PDZRN4: variants seen among roughly 807,000 people sequenced by gnomAD.
PDZRN4 encodes the protein PDZ domain-containing RING finger protein 4.
Under a neutral mutation model 99.0 loss-of-function variants are expected in PDZRN4, and 70 were observed. The ratio of observed to expected loss-of-function variants is 0.71; its 90% CI spans 0.58 to 0.86. The LOEUF (loss-of-function observed/expected upper bound fraction) is 0.86, where lower values mean the gene tolerates loss of function less well. Among genes scored for constraint, PDZRN4 ranks in the 40% least tolerant of loss-of-function variants. The probability of loss-of-function intolerance (pLI) is 0.00; values close to 1 mark genes in which losing one functional copy is unlikely to be tolerated. For synonymous variants in PDZRN4, 551 were observed against 501.6 expected (o/e 1.10, Z -1.32); for missense variants, 1,474 against 1,331.2 (o/e 1.11, Z -1.67).
At chr12:41,327,812 C>CTG (rs150017109) in intron 3 of PDZRN4, among the ~76,000 whole-genome samples, 14 of 151,126 alleles carry the variant, frequency 9.3e-5, no homozygotes, top group African/African-American at 2.4e-4. Flanking sequence ...ATGTGTGTGT[C>CTG]TGTGTGTGTG....
At chr12:41,389,368 C>A (rs943350142) in intron 3 of PDZRN4, among the ~76,000 whole-genome samples, 5 of 152,000 alleles carry the variant, frequency 3.3e-5, no homozygotes, top group Non-Finnish European at 7.4e-5. Flanking sequence ...TTAAATGAAG[C>A]CCAAATTTGT....
intron 3 of PDZRN4, among the ~76,000 whole-genome samples, chr12:41,373,211 G>A (rs2121084620): frequency 6.6e-6 from 1 of 152,114 alleles, no homozygotes; most frequent in African/African-American, 2.4e-5. Flanking sequence ...GGACCGGGGT[G>A]AAATTAAAAT....
intron 3 of PDZRN4, among the ~76,000 whole-genome samples, chr12:41,492,012 G>GA (rs1372735987): frequency 3.9e-5 from 6 of 152,150 alleles, no homozygotes; most frequent in Admixed American, 2.6e-4. Flanking sequence ...ATAACCCCCA[G>GA]AAAAATGGAA....
At chr12:41,212,650 G>A (rs1233203750) in intron 3 of PDZRN4, among the ~76,000 whole-genome samples, 1 of 152,022 alleles carries the variant, frequency 6.6e-6, no homozygotes, top group Non-Finnish European at 1.5e-5. Context: ...TTATGGTAAA[G>A]TCATAGACAC....
intron 7 of PDZRN4, among the ~76,000 whole-genome samples, chr12:41,560,838 C>A (rs1033545770): frequency 6.6e-6 from 1 of 152,144 alleles, no homozygotes; most frequent in African/African-American, 2.4e-5. Flanking sequence ...CATTTCTTGC[C>A]CCAGTATCAG....
intron 3 of PDZRN4, among the ~76,000 whole-genome samples, chr12:41,237,758 G>C (rs192482443): frequency 6.6e-6 from 1 of 152,178 alleles, no homozygotes; most frequent in East Asian, 1.9e-4. Context: ...CGTCAGCTTT[G>C]TCAAAATTCA....
At chr12:41,422,227 C>G (rs1952495795) in intron 3 of PDZRN4, among the ~76,000 whole-genome samples, 1 of 152,110 alleles carries the variant, frequency 6.6e-6, no homozygotes, top group Non-Finnish European at 1.5e-5. Context: ...GAAGTCAATG[C>G]ACACATAACT....
intron 3 of PDZRN4, among the ~76,000 whole-genome samples, chr12:41,363,543 A>ATGCATCTGTTCCG (rs1951977266): frequency 1.3e-5 from 2 of 151,990 alleles, no homozygotes; most frequent in Non-Finnish European, 2.9e-5. Context: ...CATCTGTTCC[A>ATGCATCTGTTCCG]GATGCATCTG....
chr12:41,420,344 C>G (rs1952478567), intron 3 of PDZRN4, among the ~76,000 whole-genome samples: 2 of 152,136 alleles, frequency 1.3e-5, no homozygotes, highest in Admixed American at 6.6e-5. Context: ...TATTAGAAAA[C>G]AAGCAAACCA....
At chr12:41,318,347 T>G (rs1216785829) in intron 3 of PDZRN4, among the ~76,000 whole-genome samples, 5 of 152,228 alleles carry the variant, frequency 3.3e-5, no homozygotes, top group Non-Finnish European at 7.3e-5. Flanking sequence ...TAATATGCAT[T>G]AAACTTCAAA....
At chr12:41,467,782 C>G (rs1952942704) in intron 3 of PDZRN4, among the ~76,000 whole-genome samples, 1 of 152,200 alleles carries the variant, frequency 6.6e-6, no homozygotes, top group Non-Finnish European at 1.5e-5. Flanking sequence ...CCCCAGGGGA[C>G]TCTGTACTTA....
chr12:41,415,356 T>A (rs1406309047), intron 3 of PDZRN4, among the ~76,000 whole-genome samples: 3 of 148,786 alleles, frequency 2.0e-5, no homozygotes, highest in African/African-American at 7.3e-5. Context: ...ATGTGTAATA[T>A]ATAATATATG....
intron 8 of PDZRN4, among the ~76,000 whole-genome samples, chr12:41,564,073 TAA>T (rs1384104949): frequency 6.6e-6 from 1 of 152,172 alleles, no homozygotes; most frequent in Non-Finnish European, 1.5e-5. Flanking sequence ...ATCCTTGCTT[TAA>T]GTTTCCATCT....
intron 3 of PDZRN4, among the ~76,000 whole-genome samples, chr12:41,351,226 G>T (rs1951887434): frequency 6.6e-6 from 1 of 152,018 alleles, no homozygotes; most frequent in Non-Finnish European, 1.5e-5. Flanking sequence ...AAATTCCAGA[G>T]GAATATTGTT....
chr12:41,452,650 T>A (rs1952785273), intron 3 of PDZRN4, among the ~76,000 whole-genome samples: 1 of 152,140 alleles, frequency 6.6e-6, no homozygotes, highest in Admixed American at 6.5e-5. Flanking sequence ...AACTCTTTAC[T>A]TAAAGTGTTA....
intron 3 of PDZRN4, among the ~76,000 whole-genome samples, chr12:41,353,404 A>G (rs1352547824): frequency 6.6e-6 from 1 of 152,000 alleles, no homozygotes; most frequent in African/African-American, 2.4e-5. Flanking sequence ...GACCTTACTT[A>G]CTGCTTTTGA....
intron 3 of PDZRN4, among the ~76,000 whole-genome samples, chr12:41,238,570 G>A (rs1446896150): frequency 6.6e-6 from 1 of 151,864 alleles, no homozygotes; most frequent in Non-Finnish European, 1.5e-5. Flanking sequence ...CAAAGAACAT[G>A]GACAGACACC....
At chr12:41,280,803 G>A (rs560769672) in intron 3 of PDZRN4, among the ~76,000 whole-genome samples, 19 of 151,932 alleles carry the variant, frequency 1.3e-4, no homozygotes, top group Admixed American at 1.1e-3. Context: ...AGACTTAAAC[G>A]TTCATACCTG....
intron 3 of PDZRN4, among the ~76,000 whole-genome samples, chr12:41,448,620 C>T (rs1952749359): frequency 6.6e-6 from 1 of 152,146 alleles, no homozygotes; most frequent in Non-Finnish European, 1.5e-5. Flanking sequence ...ATAGTGAAAA[C>T]TGCATTCACC....
Sources: gnomAD v4.1 joint callset for allele counts (sites outside exome capture counted in the v4.1 genomes callset) on GRCh38, gnomAD v4.1.1 for gene constraint, MANE v1.5 for transcripts, NCBI Gene and HGNC (gene_info 2026-07-23, HGNC 2026-07-21) for gene names.